The following LPCAT1 variants were observed in gnomAD, a reference collection of about 807,000 sequenced individuals.
The protein encoded by LPCAT1 is lysophosphatidylcholine acyltransferase 1, also known as 1-acylglycerol-3-phosphate O-acyltransferase.
A neutral mutation model predicts 60.9 loss-of-function variants in LPCAT1; 23 were observed. The observed-to-expected ratio is 0.38, with a 90% CI of 0.27 to 0.53. LPCAT1 has a LOEUF of 0.53. LPCAT1 is among the 20% of genes least tolerant of loss of function. The probability of loss-of-function intolerance (pLI) is 0.82; values close to 1 mark genes in which losing one functional copy is unlikely to be tolerated. For synonymous variants in LPCAT1, 340 were observed against 301.1 expected (o/e 1.13, Z -1.34); for missense variants, 622 against 723.6 (o/e 0.86, Z 1.61).
At chr5:1,482,709 G>T (rs1735207496) in intron 6 of LPCAT1, among the ~76,000 whole-genome samples, 1 of 133,382 alleles carries the variant, frequency 7.5e-6, no homozygotes, top group Non-Finnish European at 1.6e-5. Flanking sequence ...TGATGGGCCA[G>T]GGCAGGCTGG....
In LPCAT1 at chr5:1,479,502, G is replaced by A. The variant is rs915995110; in HGVS notation, c.816+119C>T. 1.0e-5 allele frequency: 8 copies of A among 765,546 alleles called. No homozygotes were observed. In the African/African-American group the frequency reaches 1.4e-4, roughly 13 times the overall value. The allele number at this position is 765,546 out of a possible 1,614,324, so 47.4% of individuals were successfully genotyped here. On this transcript the variant is annotated intron_variant, in intron 8 of 13. Transcript: ENST00000283415. ...AAGGAGCCCTGAGAAACGGAAAGAT[G>A]GGAAAGCAAGACAGGTGATATGCCA...
At chr5:1,471,031 A>ACT in intron 11 of LPCAT1, 107 bp from the exon 12 acceptor site, 1 of 805,458 alleles carries the variant, frequency 1.2e-6, no homozygotes, top group South Asian at 1.7e-5. Context: ...TCCCACTCTC[A>ACT]CTCGGGAACA....
chr5:1,501,632 G>T, intron 1 of LPCAT1, 29 bp from the exon 2 acceptor site: 1 of 1,612,140 alleles, frequency 6.2e-7, no homozygotes, highest in Non-Finnish European at 8.5e-7. Context: ...ATTATCCAGA[G>T]AATCCATGTA....
rs569866774 is a variant in LPCAT1 at position 1,483,516 on chromosome 5, A to G, written c.668-30T>C. On this transcript the variant is annotated intron_variant, in intron 5 of 13. Transcript: ENST00000283415. This position sits in a 1 kb window ranked among gnomAD's most constrained non-coding sequence, Gnocchi z 9.2. ...CGAGAAAGGAACAGCGGTGTTGCCC[A>G]TGGCAGCCCACGCAGGACAGCGTCT... 3.7e-6 allele frequency: 6 copies of G among 1,611,260 alleles called. No individual in the cohort carries two copies. In the Admixed American group the frequency reaches 6.7e-5, roughly 18 times the overall value.
At chr5:1,466,712 A>C in intron 13 of LPCAT1, 37 bp downstream of exon 13, 1 of 1,585,220 alleles carries the variant, frequency 6.3e-7, no homozygotes, top group South Asian at 1.1e-5. Flanking sequence ...GCCCCCGCCC[A>C]AGGGTCGCGA....
intron 9 of LPCAT1, 27 bp from the exon 10 acceptor site, chr5:1,474,712 G>T: frequency 6.2e-7 from 1 of 1,601,416 alleles, no homozygotes; most frequent in Admixed American, 1.7e-5. Flanking sequence ...ACCCCCGTCA[G>T]CCCAGCCTCG....
rs754553799 is a variant in LPCAT1 at position 1,487,409 on chromosome 5, C to A, written c.667+982G>T. The stretch of plus-strand genomic sequence containing the variant: ...AGACCCAGTACCTTCCAGTGAGCTG[C>A]ACCTTGAAGCCTCTGGAAGCAAAAC... On this transcript the variant is annotated intron_variant, in intron 5 of 13. Transcript: ENST00000283415. The surrounding 1 kb of genome is among the most constrained non-coding windows in gnomAD (Gnocchi z 6.1). Among the ~76,000 whole-genome samples the A allele has an allele frequency of 5.3e-5, 8 of 152,194 alleles. No individual in the cohort carries two copies. The highest frequency in any genetic ancestry group is 1.0e-4 in the Non-Finnish European group (7 of 68,034).
chr5:1,520,860 CAAAAA>C (rs59074953), intron 1 of LPCAT1, among the ~76,000 whole-genome samples: 1 of 82,040 alleles, frequency 1.2e-5, no homozygotes, highest in Non-Finnish European at 2.3e-5. Context: ...GAGACTGTCT[CAAAAA>C]AAAAAAAAAA....
At chr5:1,470,700 T>C in intron 12 of LPCAT1, 126 bp downstream of exon 12, 1 of 663,588 alleles carries the variant, frequency 1.5e-6, no homozygotes, top group Non-Finnish European at 2.4e-6. Flanking sequence ...AAAGCTTACG[T>C]AAAAATAGCA....
chr5:1,465,308 GCA>G lies in LPCAT1; in HGVS notation c.1420+1439_1420+1440del, dbSNP rs201501613. Among the ~76,000 whole-genome samples, 441 of 74,130 alleles carry G rather than the reference GCA, an allele frequency of 5.9e-3. 1 individual carries two copies. The highest frequency in any genetic ancestry group is 0.023 in the African/African-American group (414 of 18,242). 48.6% of individuals were successfully genotyped at this position (74,130 alleles called of 152,430 possible). A position where few individuals can be genotyped will look rare whatever the true frequency, so the allele number is the denominator to read the frequency against. On this transcript the variant is annotated intron_variant, in intron 13 of 13. Transcript: ENST00000283415. ...CGCACGGTACTAAACACATGTGCGC[GCA>G]CACACAAAACAAGCGCAGGCACACA...
chr5:1,493,608 G>GT (rs1735669854), intron 3 of LPCAT1, among the ~76,000 whole-genome samples: 1 of 152,258 alleles, frequency 6.6e-6, no homozygotes, highest in Admixed American at 6.5e-5. Flanking sequence ...AGAACGTGCT[G>GT]TGCTGTGCTG....
In LPCAT1 at chr5:1,522,168, G is replaced by T. The variant is rs1736696639; in HGVS notation, c.135+1542C>A. 6.6e-6 allele frequency among the ~76,000 whole-genome samples: 1 copy of T among 152,160 alleles called. No individual in the cohort carries two copies. The highest frequency in any genetic ancestry group is 1.5e-5 in the Non-Finnish European group (1 of 68,018). ...AGGGGTTCGAATTTCATCCGGGGGC[G>T]TCCCCGCTGAGGGCTTCCGAGCAGC... On this transcript the variant is annotated intron_variant, in intron 1 of 13. Coordinates refer to ENST00000283415, the MANE Select transcript of LPCAT1 (RefSeq NM_024830.5). This position sits in a 1 kb window ranked among gnomAD's most constrained non-coding sequence, Gnocchi z 6.8.
rs1734819557 is a variant in LPCAT1 at position 1,474,554 on chromosome 5, A to G, written c.1025+6T>C. On this transcript the variant is annotated splice_donor_region_variant and intron_variant, in intron 10 of 13. Coordinates refer to ENST00000283415, the MANE Select transcript of LPCAT1 (RefSeq NM_024830.5). ...AATGCTCAAGGAAGAAGAACCAGGT[A>G]CTCACCCGAGGCCCCGCACGAGCCT... 1.2e-6 allele frequency: 2 copies of G among 1,613,712 alleles called. No individual in the cohort carries two copies. The highest frequency in any genetic ancestry group is 2.7e-5 in the African/African-American group (2 of 75,056).
chr5:1,522,870 G>A lies in LPCAT1; in HGVS notation c.135+840C>T, dbSNP rs1736715393. On this transcript the variant is annotated intron_variant, in intron 1 of 13. Coordinates refer to ENST00000283415, the MANE Select transcript of LPCAT1 (RefSeq NM_024830.5). This position sits in a 1 kb window ranked among gnomAD's most constrained non-coding sequence, Gnocchi z 6.8. ...AGCTGGCAGCCAGGTAGCCGGAAAA[G>A]CCAGGCTGAGCCAGCACATCCCCGG... Among the ~76,000 whole-genome samples the A allele has an allele frequency of 6.6e-6, 1 of 152,132 alleles. No homozygotes were observed. Among genetic ancestry groups the A allele is most frequent in the Non-Finnish European group, 1.5e-5 (1 of 68,014 alleles).
chr5:1,520,872 AAAAAAAAGAAAAAG>A (rs1277386356), intron 1 of LPCAT1, among the ~76,000 whole-genome samples: 17 of 151,128 alleles, frequency 1.1e-4, no homozygotes, highest in Non-Finnish European at 2.1e-4. Context: ...AAAAAAAAAA[AAAAAAAAGAAAAAG>A]AAAAAGAAAA....
intron 2 of LPCAT1, among the ~76,000 whole-genome samples, chr5:1,499,736 C>T (rs1307123001): frequency 1.3e-5 from 2 of 152,242 alleles, no homozygotes; most frequent in African/African-American, 2.4e-5. Context: ...CCAGGCTGCC[C>T]TCTCCTATGA....
At chr5:1,465,270 G>GCA (rs138176171) in intron 13 of LPCAT1, among the ~76,000 whole-genome samples, 20 of 131,518 alleles carry the variant, frequency 1.5e-4, no homozygotes, top group South Asian at 4.9e-4. Flanking sequence ...ACATGCCCAT[G>GCA]CACACACACA....
chr5:1,501,549 T>C lies in LPCAT1; in HGVS notation c.190A>G (p.Met64Val), dbSNP rs368855942. Residue 64 changes from methionine (M) to valine (V), a missense_variant, in exon 2 of 14, where the codon ATG becomes GTG. By Grantham distance (21) the Met-to-Val change is conservative. Coordinates refer to ENST00000283415, the MANE Select transcript of LPCAT1 (RefSeq NM_024830.5). Reference sequence around the variant, plus strand: ...GCGAGGGGCCAGGCCAGCAGCATCATGGCAGCGGCAACCAGGAGCCGGACC... The same window carrying C: ...GCGAGGGGCCAGGCCAGCAGCATCACGGCAGCGGCAACCAGGAGCCGGACC... ...FPVRLLVAAA[M>V]MLLAWPLALV... 91 of 1,613,862 alleles carry C rather than the reference T, an allele frequency of 5.6e-5. No individual in the cohort carries two copies. Among genetic ancestry groups the C allele is most frequent in the Non-Finnish European group, 7.5e-5 (89 of 1,179,968 alleles).
intron 2 of LPCAT1, 37 bp downstream of exon 2, chr5:1,501,424 C>G (rs770054382): frequency 8.9e-6 from 14 of 1,577,968 alleles, no homozygotes; most frequent in African/African-American, 4.0e-5. Flanking sequence ...CGCGTGACCC[C>G]CCCCCAGGAG....
Sources: allele counts gnomAD v4.1 joint callset (sites outside exome capture counted in the v4.1 genomes callset), GRCh38; gene constraint gnomAD v4.1.1; non-coding constraint Gnocchi (gnomAD v3.1); transcripts MANE v1.5; gene names NCBI Gene and HGNC (gene_info 2026-07-23, HGNC 2026-07-21).